The following NISCH variants were observed in gnomAD, a reference collection of about 807,000 sequenced individuals.
The protein encoded by NISCH is nischarin, also known as I-1 receptor candidate protein.
NISCH carries 55 observed loss-of-function variants against 138.4 expected under a neutral mutation model. The observed-to-expected ratio is 0.40, with a 90% CI of 0.32 to 0.50. The LOEUF (loss-of-function observed/expected upper bound fraction) is 0.50, where lower values mean the gene tolerates loss of function less well. NISCH is among the 20% of genes least tolerant of loss of function. NISCH has a pLI of 0.71. For missense variants in NISCH, 1,643 were observed against 2,005.5 expected, an observed-to-expected ratio of 0.82 and a Z score of 3.45; for synonymous variants, 860 against 861.5, an observed-to-expected ratio of 1.00 and a Z score of 0.03.
intron 19 of NISCH, 93 bp from the exon 20 acceptor site, chr3:52,491,259 T>C: frequency 1.3e-6 from 2 of 1,501,950 alleles, no homozygotes; most frequent in Non-Finnish European, 1.8e-6. Flanking sequence ...GCCTCTGGGC[T>C]GAGGCTTGCT....
chr3:52,473,962 A>T (rs1707025768), intron 7 of NISCH, 133 bp downstream of exon 7: 1 of 510,054 alleles, frequency 2.0e-6, no homozygotes, highest in Admixed American at 3.1e-5. Flanking sequence ...TCTGTGGGGT[A>T]GGCAGACACT....
chr3:52,480,598 G>A (rs1206032112), intron 13 of NISCH: 13 of 1,431,266 alleles, frequency 9.1e-6, no homozygotes, highest in African/African-American at 8.6e-5. Flanking sequence ...GCTCGGGGCT[G>A]TTGGCTCATG....
At chr3:52,460,400 A>AT (rs60949920) in intron 3 of NISCH, among the ~76,000 whole-genome samples, 31 of 114,426 alleles carry the variant, frequency 2.7e-4, no homozygotes, top group Admixed American at 1.1e-3. Context: ...TGGCTGTACT[A>AT]TTTTTTTTTT....
At chr3:52,473,896 C>T (rs1028104988) in intron 7 of NISCH, 67 bp downstream of exon 7, 2 of 1,062,298 alleles carry the variant, frequency 1.9e-6, no homozygotes, top group South Asian at 1.4e-5. Flanking sequence ...GTGGTCTCCA[C>T]CACTAAGGAT....
intron 3 of NISCH, 198 bp from the exon 4 acceptor site, chr3:52,470,661 C>T: frequency 1.6e-6 from 1 of 608,812 alleles, no homozygotes; most frequent in Middle Eastern, 3.9e-4. Flanking sequence ...GGAGACATTT[C>T]AGGTATCCAC....
chr3:52,480,992 C>T, intron 13 of NISCH: 1 of 1,434,756 alleles, frequency 7.0e-7, no homozygotes, highest in South Asian at 1.5e-5. Context: ...TCGGGACACG[C>T]AGGAAAGGAC....
intron 5 of NISCH, 138 bp from the exon 6 acceptor site, chr3:52,472,165 G>C: frequency 3.0e-6 from 3 of 990,626 alleles, no homozygotes; most frequent in Non-Finnish European, 4.6e-6. Context: ...CCAGTGTCCC[G>C]TTAAATTAAG....
Position 52,489,426 on chromosome 3 carries a change from C to G in NISCH, c.3204C>G (p.Ala1068=). The G allele has an allele frequency of 6.2e-7, 1 of 1,603,752 alleles. No individual in the cohort carries two copies. Among genetic ancestry groups the G allele is most frequent in the Non-Finnish European group, 8.5e-7 (1 of 1,171,644 alleles). Residue 1068 remains alanine, a synonymous_variant, in exon 17 of 21, where the codon GCC becomes GCG. Coordinates refer to ENST00000345716, the MANE Select transcript of NISCH (RefSeq NM_007184.4). Reference sequence around the variant, plus strand: ...CTCCAGCCCCTGCAGCAGCCTCAGCCTCAGGCCCAGCGAAGACTCCGGCCC... The same window carrying G: ...CTCCAGCCCCTGCAGCAGCCTCAGCGTCAGGCCCAGCGAAGACTCCGGCCC... ...VPAPAPAAAS[A]SGPAKTPAPA... is the part of the protein sequence containing the mutation.
At chr3:52,484,718 G>A (rs1707364298) in intron 14 of NISCH, 81 bp downstream of exon 14, 2 of 1,547,846 alleles carry the variant, frequency 1.3e-6, no homozygotes, top group Non-Finnish European at 8.9e-7. Flanking sequence ...GTAGGAAGTG[G>A]CCTAGCTGGA....
chr3:52,481,260 C>T, intron 13 of NISCH: 1 of 1,068,008 alleles, frequency 9.4e-7, no homozygotes. Context: ...CAGCAGCCCT[C>T]CCAGCAGGGA....
At position 52,487,910 on chromosome 3, in the gene NISCH, C is replaced by T. The variant is rs748560295; in HGVS notation, c.2418C>T (p.Asp806=). Residue 806 remains aspartate, a synonymous_variant, in exon 16 of 21, where the codon GAC becomes GAT. Coordinates refer to ENST00000345716, the MANE Select transcript of NISCH (RefSeq NM_007184.4). This position sits in a 1 kb window ranked among gnomAD's most constrained non-coding sequence, Gnocchi z 9.1. The part of the protein sequence containing the change: ...DAANLHEFHA[D]LRSCFAPQHM... ...CCAACCTGCACGAGTTCCACGCGGA[C>T]CTGCGCTCATGCTTTGCACCCCAGC... The T allele has an allele frequency of 2.7e-5, 44 of 1,611,986 alleles. No individual in the cohort carries two copies. In the South Asian group the frequency reaches 4.1e-4, roughly 15 times the overall value.
chr3:52,480,866 C>T (rs1707250982), intron 13 of NISCH: 1 of 1,535,134 alleles, frequency 6.5e-7, no homozygotes. Flanking sequence ...AGGGCTTTCA[C>T]CTCTGAACCC....
intron 3 of NISCH, among the ~76,000 whole-genome samples, chr3:52,463,518 A>G (rs1310760701): frequency 1.3e-5 from 2 of 152,140 alleles, no homozygotes; most frequent in African/African-American, 2.4e-5. Flanking sequence ...TTTTTGAGAA[A>G]CTAACAAATT....
intron 2 of NISCH, 46 bp from the exon 3 acceptor site, chr3:52,458,616 A>C: frequency 1.3e-6 from 2 of 1,559,452 alleles, no homozygotes; most frequent in South Asian, 2.3e-5. Context: ...TTACATAGGC[A>C]CAGAGCCTCT....
At chr3:52,489,278 GC>G in intron 16 of NISCH, 57 bp from the exon 17 acceptor site, 3 of 1,562,342 alleles carry the variant, frequency 1.9e-6, no homozygotes, top group Non-Finnish European at 2.6e-6. Flanking sequence ...AGCTGCACAT[GC>G]GATGTGAATC....
Position 52,474,024 on chromosome 3 carries a change from C to T in NISCH, c.765+195C>T, listed in dbSNP as rs113206022. On this transcript the variant is annotated intron_variant, in intron 7 of 20. Coordinates refer to ENST00000345716, the MANE Select transcript of NISCH (RefSeq NM_007184.4). ...GCCCCTGGGACACTTTAGTTCACAT[C>T]TGCATAAAAAGTTCGTGTTGTTAAC... Among the ~76,000 whole-genome samples the T allele has an allele frequency of 7.2e-3, 1,101 of 152,326 alleles. 14 individuals are homozygous for T. The highest frequency in any genetic ancestry group is 0.025 in the African/African-American group (1,054 of 41,578).
Position 52,484,624 on chromosome 3 carries a change from T to C in NISCH, c.1640T>C (p.Ile547Thr), listed in dbSNP as rs1167596154. The C allele has an allele frequency of 6.2e-6, 10 of 1,613,836 alleles. No homozygotes were observed. Among genetic ancestry groups the C allele is most frequent in the Non-Finnish European group, 8.5e-6 (10 of 1,180,012 alleles). ...AQGCSDSLES[I>T]PAGQAASDDL... The stretch of plus-strand genomic sequence containing the variant: ...GGATGTTCTGATTCCTTGGAGTCCA[T>C]CCCTGCGGGACAGGTAATGCCCTCT... The change falls in exon 14 of 21, where the codon ATC becomes ACC. Residue 547 changes from isoleucine (I) to threonine (T), a missense_variant. By Grantham distance (89) the Ile-to-Thr change is moderately conservative (BLOSUM62 -1). Transcript: ENST00000345716.
intron 3 of NISCH, 75 bp from the exon 4 acceptor site, chr3:52,470,784 T>C: frequency 8.4e-7 from 1 of 1,195,142 alleles, no homozygotes; most frequent in Non-Finnish European, 1.3e-6. Context: ...ACAGAGGGGA[T>C]AGATAGCGGG....
At chr3:52,480,374 G>C (rs1707236460) in intron 13 of NISCH, 79 bp downstream of exon 13, 1 of 1,583,408 alleles carries the variant, frequency 6.3e-7, no homozygotes, top group Middle Eastern at 1.7e-4. Context: ...GGTTGGGGGA[G>C]AGGTGCCAGC....
Sources: allele counts gnomAD v4.1 joint callset (sites outside exome capture counted in the v4.1 genomes callset), GRCh38; gene constraint gnomAD v4.1.1; non-coding constraint Gnocchi (gnomAD v3.1); transcripts MANE v1.5; gene names NCBI Gene and HGNC (gene_info 2026-07-23, HGNC 2026-07-21).